MDFIC2: variants seen among roughly 807,000 people sequenced by gnomAD.
The protein encoded by MDFIC2 is myoD family inhibitor domain-containing protein 2.
At chr3:70,256,332 C>G (rs1701815858) in intron 2 of MDFIC2, among the ~76,000 whole-genome samples, 2 of 152,128 alleles carry the variant, frequency 1.3e-5, no homozygotes, top group African/African-American at 4.8e-5. Flanking sequence ...CATAGTTTGG[C>G]CTTTTTAGCA....
chr3:70,251,191 GC>G (rs1162394510), intron 2 of MDFIC2, among the ~76,000 whole-genome samples: 2 of 152,174 alleles, frequency 1.3e-5, no homozygotes, highest in Non-Finnish European at 2.9e-5. Context: ...TGGAGACAGA[GC>G]TACTCCTCAG....
chr3:70,230,443 T>C lies in MDFIC2; in HGVS notation c.89-23653A>G, dbSNP rs536287699. Among the ~76,000 whole-genome samples, 5 of 152,276 alleles carry C rather than the reference T, an allele frequency of 3.3e-5. No homozygotes were observed. In the East Asian group the frequency reaches 9.6e-4, roughly 29 times the overall value. On this transcript the variant is annotated intron_variant, in intron 2 of 3. Transcript: ENST00000567252. ...ATTTTTTGACCACTAGAACTTTTAC[T>C]TGGATCTCAAAACCTCTATGAAATT...
chr3:70,226,977 C>A (rs891575774), intron 2 of MDFIC2, among the ~76,000 whole-genome samples: 1 of 152,218 alleles, frequency 6.6e-6, no homozygotes. Flanking sequence ...GGCACTGGAG[C>A]AGTGGCTCTT....
intron 2 of MDFIC2, among the ~76,000 whole-genome samples, chr3:70,285,551 A>C (rs59967808): frequency 0.064 from 9,726 of 151,880 alleles, 880 homozygotes; most frequent in East Asian, 0.48. Flanking sequence ...AGCATGATTT[A>C]TAGTCCTTTG....
chr3:70,206,815 T>C (rs1701295910), intron 2 of MDFIC2, 25 bp from the exon 3 acceptor site: 2 of 397,284 alleles, frequency 5.0e-6, no homozygotes, highest in East Asian at 7.1e-5. Context: ...AAAAAACACA[T>C]ACAGAAACCC....
Position 70,194,989 on chromosome 3 carries a change from G to C in MDFIC2, c.*1937C>G, listed in dbSNP as rs1245834329. Among the ~76,000 whole-genome samples the C allele has an allele frequency of 6.6e-6, 1 of 152,088 alleles. No homozygotes were observed. The highest frequency in any genetic ancestry group is 1.5e-5 in the Non-Finnish European group (1 of 68,024). On this transcript the variant is annotated 3_prime_UTR_variant, in exon 4 of 4. Transcript: ENST00000567252. ...GATGAGTCAGTCTGGTAGTGTTTTA[G>C]TATTTTAACAATTGTAACACCTGCA...
chr3:70,213,766 A>G (rs750600113), intron 2 of MDFIC2, among the ~76,000 whole-genome samples: 6 of 152,146 alleles, frequency 3.9e-5, no homozygotes, highest in Non-Finnish European at 8.8e-5. Context: ...AATATATAAA[A>G]TACAGGAAAT....
intron 2 of MDFIC2, among the ~76,000 whole-genome samples, chr3:70,287,844 G>A (rs867814739): frequency 0.027 from 4,003 of 150,842 alleles, 64 homozygotes; most frequent in Middle Eastern, 0.062. Context: ...GTTTATTTGC[G>A]TAGAGGTGTT....
intron 2 of MDFIC2, among the ~76,000 whole-genome samples, chr3:70,239,000 G>A (rs1701639267): frequency 6.6e-6 from 1 of 152,156 alleles, no homozygotes; most frequent in South Asian, 2.1e-4. Context: ...GAGTGGAAAT[G>A]TTTAATTTTG....
At chr3:70,205,039 C>G (rs952172182) in intron 3 of MDFIC2, 2 of 152,094 alleles carry the variant, frequency 1.3e-5, no homozygotes, top group African/African-American at 4.8e-5. Context: ...GAGCATCATC[C>G]TGAATTCAGA....
intron 2 of MDFIC2, among the ~76,000 whole-genome samples, chr3:70,233,812 T>C (rs1013647339): frequency 6.6e-6 from 1 of 152,238 alleles, no homozygotes; most frequent in African/African-American, 2.4e-5. Flanking sequence ...GATTGTTGCA[T>C]ATCTAAACAA....
At chr3:70,208,723 G>C (rs1023202283) in intron 2 of MDFIC2, among the ~76,000 whole-genome samples, 2 of 152,044 alleles carry the variant, frequency 1.3e-5, no homozygotes, top group Non-Finnish European at 2.9e-5. Flanking sequence ...TCTTAAGATG[G>C]TTGCTTTCCA....
chr3:70,278,822 A>G (rs960911764), intron 2 of MDFIC2, among the ~76,000 whole-genome samples: 3 of 152,072 alleles, frequency 2.0e-5, no homozygotes, highest in Admixed American at 6.6e-5. Flanking sequence ...TTCTTCTTCT[A>G]TAAAGGATAG....
Position 70,214,082 on chromosome 3 carries a change from T to G in MDFIC2, c.89-7292A>C, listed in dbSNP as rs534709749. Among the ~76,000 whole-genome samples, 6 of 152,254 alleles carry G rather than the reference T, an allele frequency of 3.9e-5. No homozygotes were observed. The East Asian group carries it at 1.2e-3, about 29-fold the overall frequency. On this transcript the variant is annotated intron_variant, in intron 2 of 3. Coordinates refer to ENST00000567252, the MANE Select transcript of MDFIC2 (RefSeq NM_001364677.1). ...TGAAGGCTTCTAAAATTTCCTCACC[T>G]TTTTGAAATGAATGGAAATAAGTAA... is the stretch of plus-strand genomic sequence containing the variant.
At chr3:70,233,766 G>A (rs1701584171) in intron 2 of MDFIC2, among the ~76,000 whole-genome samples, 1 of 152,074 alleles carries the variant, frequency 6.6e-6, no homozygotes, top group African/African-American at 2.4e-5. Flanking sequence ...TTTTGGTCAA[G>A]ATTTCACACA....
intron 2 of MDFIC2, among the ~76,000 whole-genome samples, chr3:70,310,189 G>A (rs2106709190): frequency 6.6e-6 from 1 of 152,036 alleles, no homozygotes; most frequent in East Asian, 1.9e-4. Flanking sequence ...GAATTTTCAA[G>A]CTTTTAACAG....
intron 2 of MDFIC2, among the ~76,000 whole-genome samples, chr3:70,227,578 G>T (rs896396129): frequency 2.6e-5 from 4 of 152,214 alleles, no homozygotes; most frequent in Admixed American, 2.6e-4. Context: ...AAAGTGAAAA[G>T]TTGAACATAG....
intron 2 of MDFIC2, among the ~76,000 whole-genome samples, chr3:70,239,931 T>C (rs763086735): frequency 6.6e-6 from 1 of 152,164 alleles, no homozygotes; most frequent in Non-Finnish European, 1.5e-5. Context: ...TTTGTGTGTG[T>C]GTGTGTGTTG....
rs1425310009 is a variant in MDFIC2 at position 70,308,287 on chromosome 3, T to G, written c.88+3599A>C. ...TATCTCACCACTGGTCTCAAACTCC[T>G]GGGTTCAAGGGATCTTCCCATCTTC... On this transcript the variant is annotated intron_variant, in intron 2 of 3. Coordinates refer to ENST00000567252, the MANE Select transcript of MDFIC2 (RefSeq NM_001364677.1). 3.3e-5 allele frequency among the ~76,000 whole-genome samples: 5 copies of G among 152,090 alleles called. No homozygotes were observed. The South Asian group carries it at 1.0e-3, about 32-fold the overall frequency.
Sources: gnomAD v4.1 joint callset for allele counts (sites outside exome capture counted in the v4.1 genomes callset) on GRCh38, gnomAD v4.1.1 for gene constraint, MANE v1.5 for transcripts, NCBI Gene and HGNC (gene_info 2026-07-23, HGNC 2026-07-21) for gene names.